The following TBC1D22B variants were observed in gnomAD, a reference collection of about 807,000 sequenced individuals.
The protein encoded by TBC1D22B is chromosome 6 open reading frame 197.
A neutral mutation model predicts 69.1 loss-of-function variants in TBC1D22B; 32 were observed. That is an observed-to-expected ratio of 0.46 (90% CI 0.35 to 0.62). The LOEUF (loss-of-function observed/expected upper bound fraction) is 0.62, where lower values mean the gene tolerates loss of function less well. Among genes scored for constraint, TBC1D22B ranks in the 20% least tolerant of loss-of-function variants. The pLI is 0.00. For missense variants in TBC1D22B, 462 were observed against 630.9 expected (o/e 0.73, Z 2.87); for synonymous variants, 206 against 229.8 (o/e 0.90, Z 0.94).
chr6:37,302,307 G>T (rs1008939515), intron 8 of TBC1D22B, among the ~76,000 whole-genome samples: 14 of 152,292 alleles, frequency 9.2e-5, no homozygotes, highest in South Asian at 2.1e-4. Context: ...TGCTGCAGGT[G>T]GGGAGGTCAC....
intron 8 of TBC1D22B, among the ~76,000 whole-genome samples, chr6:37,294,799 A>G (rs1767305368): frequency 6.6e-6 from 1 of 152,242 alleles, no homozygotes. Context: ...ATGAACCTAG[A>G]CACCTGAGAG....
At chr6:37,290,520 C>T (rs1767143020) in intron 7 of TBC1D22B, among the ~76,000 whole-genome samples, 1 of 152,140 alleles carries the variant, frequency 6.6e-6, no homozygotes, top group Non-Finnish European at 1.5e-5. Flanking sequence ...TTTCCTTTGT[C>T]CCCAGTGTAG....
At chr6:37,270,374 C>G (rs1375414146) in intron 2 of TBC1D22B, among the ~76,000 whole-genome samples, 1 of 152,058 alleles carries the variant, frequency 6.6e-6, no homozygotes, top group Non-Finnish European at 1.5e-5. Flanking sequence ...TCGCTTGAAC[C>G]CAGGAGGCAG....
intron 8 of TBC1D22B, among the ~76,000 whole-genome samples, chr6:37,300,396 C>T (rs1337225613): frequency 6.6e-6 from 1 of 152,046 alleles, no homozygotes; most frequent in East Asian, 1.9e-4. Context: ...GAATCTCACT[C>T]TGTTGCCTAG....
chr6:37,261,497 T>A (rs975050043), intron 1 of TBC1D22B, among the ~76,000 whole-genome samples: 1 of 151,752 alleles, frequency 6.6e-6, no homozygotes, highest in Non-Finnish European at 1.5e-5. Flanking sequence ...ATCCCAGCTC[T>A]GCTTTCTAGC....
intron 12 of TBC1D22B, among the ~76,000 whole-genome samples, chr6:37,318,537 T>G (rs1167083626): frequency 6.6e-6 from 1 of 152,196 alleles, no homozygotes; most frequent in Non-Finnish European, 1.5e-5. Flanking sequence ...TAGATGCTGC[T>G]TAAAGCCGAC....
chr6:37,317,147 G>T lies in TBC1D22B; in HGVS notation c.1330G>T (p.Val444Leu), dbSNP rs780749801. Residue 444 changes from valine (V) to leucine (L), a missense_variant, in exon 12 of 13, where the codon GTG becomes TTG. Physicochemically the swap from Val to Leu is conservative, Grantham distance 32. Around this residue, in one of 2 missense-constraint regions of TBC1D22B, gnomAD observed 225 missense variants for 375.4 expected, o/e 0.60. Coordinates refer to ENST00000373491, the MANE Select transcript of TBC1D22B (RefSeq NM_017772.4). Reference protein sequence around the residue: ...PEGFSHFHLYVCAAFLIKWRK... With the variant: ...PEGFSHFHLYLCAAFLIKWRK... ...AGGGTTCTCCCACTTTCATCTCTACGTGTGTGCAGCCTTCTTGATCAAGTG... is the reference window on the plus strand; with the variant it reads ...AGGGTTCTCCCACTTTCATCTCTACTTGTGTGCAGCCTTCTTGATCAAGTG... 6 of 1,578,704 alleles carry T rather than the reference G, an allele frequency of 3.8e-6. No individual in the cohort carries two copies. The highest frequency in any genetic ancestry group is 1.3e-5 in the African/African-American group (1 of 74,380).
intron 7 of TBC1D22B, among the ~76,000 whole-genome samples, chr6:37,289,928 A>G (rs1277232090): frequency 1.3e-5 from 2 of 152,232 alleles, no homozygotes; most frequent in African/African-American, 4.8e-5. Context: ...GAAGGCAGAG[A>G]GGCCAGCTCC....
chr6:37,326,264 C>G (rs1041444609), intron 12 of TBC1D22B, among the ~76,000 whole-genome samples: 20 of 150,966 alleles, frequency 1.3e-4, no homozygotes, highest in African/African-American at 4.6e-4. Flanking sequence ...CCTGTAATCT[C>G]AGCTACTCAG....
intron 12 of TBC1D22B, among the ~76,000 whole-genome samples, chr6:37,326,457 T>C (rs1195040313): frequency 1.3e-5 from 2 of 151,016 alleles, no homozygotes; most frequent in Non-Finnish European, 2.9e-5. Context: ...AGTTTGCAAG[T>C]GTATGTAACC....
At chr6:37,319,548 C>A (rs1162479918) in intron 12 of TBC1D22B, among the ~76,000 whole-genome samples, 5 of 152,206 alleles carry the variant, frequency 3.3e-5, no homozygotes, top group Admixed American at 6.5e-5. Flanking sequence ...TACTGGGTAG[C>A]ATTTTCAATT....
intron 8 of TBC1D22B, among the ~76,000 whole-genome samples, chr6:37,291,773 T>C (rs563394631): frequency 6.6e-6 from 1 of 152,290 alleles, no homozygotes; most frequent in African/African-American, 2.4e-5. Context: ...CAAAAGATTG[T>C]GGCACCAGAA....
intron 1 of TBC1D22B, among the ~76,000 whole-genome samples, chr6:37,265,434 T>C (rs1766239602): frequency 6.6e-6 from 1 of 152,212 alleles, no homozygotes; most frequent in South Asian, 2.1e-4. Flanking sequence ...ATCCTCTGAT[T>C]TTATATTTTA....
At chr6:37,308,100 T>C (rs935286395) in intron 8 of TBC1D22B, among the ~76,000 whole-genome samples, 6 of 152,256 alleles carry the variant, frequency 3.9e-5, no homozygotes, top group Admixed American at 2.0e-4. Flanking sequence ...ATTTGATTTT[T>C]ATAAAGAGCT....
At chr6:37,327,388 G>A (rs1768448798) in intron 12 of TBC1D22B, among the ~76,000 whole-genome samples, 1 of 113,330 alleles carries the variant, frequency 8.8e-6, no homozygotes, top group African/African-American at 3.8e-5. Flanking sequence ...TGAGGCAGGA[G>A]AATGGCGTGA....
rs1473319325 is a variant in TBC1D22B at position 37,332,861 on chromosome 6, GAC to G, written c.*1692_*1693del. The G allele has an allele frequency of 6.6e-6, 1 of 152,602 alleles. No individual in the cohort carries two copies. Among genetic ancestry groups the G allele is most frequent in the Non-Finnish European group, 1.5e-5 (1 of 68,036 alleles). The allele number at this position is 152,602 out of a possible 1,614,324, so 9.5% of individuals were successfully genotyped here. A position where few individuals can be genotyped will look rare whatever the true frequency, so the allele number is the denominator to read the frequency against. On this transcript the variant is annotated 3_prime_UTR_variant, in exon 13 of 13. Coordinates refer to ENST00000373491, the MANE Select transcript of TBC1D22B (RefSeq NM_017772.4). ...CCCTCAACCGGACTAATTAAAGAAA[GAC>G]ACTTGTGTTCCCAAGTGGTGGTTTT...
chr6:37,276,738 C>T (rs1413569134), intron 2 of TBC1D22B, among the ~76,000 whole-genome samples: 1 of 151,844 alleles, frequency 6.6e-6, no homozygotes, highest in Non-Finnish European at 1.5e-5. Context: ...TGAGACCAGC[C>T]TGATTAGCTG....
At chr6:37,302,207 A>G (rs1198147378) in intron 8 of TBC1D22B, among the ~76,000 whole-genome samples, 1 of 152,202 alleles carries the variant, frequency 6.6e-6, no homozygotes, top group Non-Finnish European at 1.5e-5. Context: ...CTTGCCCCCA[A>G]GCAGCTTCTT....
chr6:37,271,067 C>T (rs781639862), intron 2 of TBC1D22B, among the ~76,000 whole-genome samples: 2 of 152,104 alleles, frequency 1.3e-5, no homozygotes, highest in South Asian at 4.1e-4. Flanking sequence ...AATCCCAGCA[C>T]TTTGGGAGGC....
Sources: gnomAD v4.1 joint callset for allele counts (sites outside exome capture counted in the v4.1 genomes callset) on GRCh38, gnomAD v4.1.1 for gene constraint, gnomAD v4.1.1 regional missense constraint, MANE v1.5 for transcripts, NCBI Gene and HGNC (gene_info 2026-07-23, HGNC 2026-07-21) for gene names.